The following KIF3C variants were observed in gnomAD, a reference collection of about 807,000 sequenced individuals.
KIF3C encodes kinesin family member 3C, also known as kinesin-like protein KIF3C.
In KIF3C, 12 loss-of-function variants were observed where a neutral mutation model predicts 67.7. That is an observed-to-expected ratio of 0.18 (90% confidence interval 0.11 to 0.29). The LOEUF (loss-of-function observed/expected upper bound fraction) is 0.29. KIF3C is among the 10% of genes least tolerant of loss of function. The probability of loss-of-function intolerance (pLI) is 1.00; values close to 1 mark genes in which losing one functional copy is unlikely to be tolerated. For missense variants in KIF3C, 789 were observed against 1,059.6 expected, an observed-to-expected ratio of 0.74 and a Z score of 3.55; for synonymous variants, 393 against 426.2, an observed-to-expected ratio of 0.92 and a Z score of 0.96.
Position 25,981,079 on chromosome 2 carries a change from C to G in KIF3C, c.839G>C (p.Gly280Ala), listed in dbSNP as rs139440184. The G allele has an allele frequency of 2.9e-4, 475 of 1,614,158 alleles. 1 individual carries two copies. In the African/African-American group the frequency reaches 5.2e-3, roughly 18 times the overall value. ...GGGGGGGGSG[G>A]GAGGERPKEA... is the part of the protein sequence containing the mutation. ...CTTAGGCCTCTCTCCACCAGCACCA[C>G]CACCACTGCCTCCACCGCCACCACC... The change falls in exon 1 of 8, where the codon GGT (glycine) becomes GCT (alanine). Residue 280 changes from glycine (G) to alanine (A), a missense_variant. Physicochemically the swap from Gly to Ala is moderately conservative, Grantham distance 60. Coordinates refer to ENST00000264712, the MANE Select transcript of KIF3C (RefSeq NM_002254.8). The surrounding 1 kb of genome is among the most constrained non-coding windows in gnomAD (Gnocchi z 8.2).
chr2:25,973,839 G>C (rs963178389), intron 1 of KIF3C, among the ~76,000 whole-genome samples: 7 of 152,128 alleles, frequency 4.6e-5, no homozygotes, highest in African/African-American at 1.7e-4. Context: ...GCTGGTGCAG[G>C]GTTTTCCTAT....
intron 1 of KIF3C, among the ~76,000 whole-genome samples, chr2:25,959,445 G>A (rs1056513729): frequency 6.6e-6 from 1 of 152,104 alleles, no homozygotes; most frequent in Non-Finnish European, 1.5e-5. Flanking sequence ...CTTGGGGGTT[G>A]TCCCAGAGTG....
chr2:25,958,894 G>A lies in KIF3C; in HGVS notation c.1546-2450C>T, dbSNP rs1663876678. Reference sequence around the variant, plus strand: ...GTTCGAGACCAGTCTGACCAACATGGAGAAACCCCATCTCTACTAAAAATA... The same window carrying A: ...GTTCGAGACCAGTCTGACCAACATGAAGAAACCCCATCTCTACTAAAAATA... On this transcript the variant is annotated intron_variant, in intron 1 of 7. Coordinates refer to ENST00000264712, the MANE Select transcript of KIF3C (RefSeq NM_002254.8). The surrounding 1 kb of genome is among the most constrained non-coding windows in gnomAD (Gnocchi z 4.5). Among the ~76,000 whole-genome samples, 1 of 152,092 alleles carries A rather than the reference G, an allele frequency of 6.6e-6. No homozygotes were observed. Among genetic ancestry groups the A allele is most frequent in the African/African-American group, 2.4e-5 (1 of 41,426 alleles).
In KIF3C at chr2:25,954,335, A is replaced by G. The variant is rs138750989; in HGVS notation, c.1821T>C (p.Asp607=). Residue 607 remains aspartate (D), a synonymous_variant, in exon 4 of 8, where the codon GAT becomes GAC. Transcript: ENST00000264712. The stretch of plus-strand genomic sequence containing the variant: ...GGTCCTGCCGCACGCGGATATACTC[A>G]TCATGCTGGTCCTGGATCTCCGCCT... The part of the protein sequence containing the change: ...AVKAEIQDQH[D]EYIRVRQDLE... 1 of 1,613,862 alleles carries G rather than the reference A, an allele frequency of 6.2e-7. No homozygotes were observed. The highest frequency in any genetic ancestry group is 1.3e-5 in the African/African-American group (1 of 75,008).
chr2:25,961,742 G>C (rs1185126829), intron 1 of KIF3C, among the ~76,000 whole-genome samples: 1 of 152,198 alleles, frequency 6.6e-6, no homozygotes, highest in Non-Finnish European at 1.5e-5. Context: ...ACTGTGTGTA[G>C]TTCTCTTACT....
rs767613284 is a variant in KIF3C, at chr2:25,955,497, T to A, written c.1770+44A>T. 1.9e-6 allele frequency: 3 copies of A among 1,608,820 alleles called. No individual in the cohort carries two copies. Among genetic ancestry groups the A allele is most frequent in the South Asian group, 2.2e-5 (2 of 90,564 alleles). ...CACACATCCCTTGGGCAGAGACTGC[T>A]GGGCCTCCAGCACACCTTAACCGGT... On this transcript the variant is annotated intron_variant, in intron 3 of 7. Coordinates refer to ENST00000264712, the MANE Select transcript of KIF3C (RefSeq NM_002254.8). This position sits in a 1 kb window ranked among gnomAD's most constrained non-coding sequence, Gnocchi z 5.0.
chr2:25,936,232 G>A (rs958063949), intron 5 of KIF3C, among the ~76,000 whole-genome samples: 6 of 152,050 alleles, frequency 3.9e-5, no homozygotes, highest in African/African-American at 1.4e-4. Flanking sequence ...GTAGAGATGG[G>A]GTCTCGCTAT....
Position 25,981,962 on chromosome 2 carries a change from G to A in KIF3C, c.-45C>T, listed in dbSNP as rs1664608367. The A allele has an allele frequency of 6.8e-7, 1 of 1,473,432 alleles. No homozygotes were observed. The highest frequency in any genetic ancestry group is 9.0e-7 in the Non-Finnish European group (1 of 1,106,920). 91.3% of individuals were successfully genotyped at this position (1,473,432 alleles called of 1,614,324 possible). A position where few individuals can be genotyped will look rare whatever the true frequency, so the allele number is the denominator to read the frequency against. ...TGCCCCCGAGCCCCTCCGCAGCCTG[G>A]GCGGTCCTGCTATCCTGCTCGCTAG... On this transcript the variant is annotated 5_prime_UTR_variant, in exon 1 of 8. Coordinates refer to ENST00000264712, the MANE Select transcript of KIF3C (RefSeq NM_002254.8). The surrounding 1 kb of genome is among the most constrained non-coding windows in gnomAD (Gnocchi z 8.2).
At chr2:25,962,341 G>A (rs1265396868) in intron 1 of KIF3C, among the ~76,000 whole-genome samples, 6 of 151,904 alleles carry the variant, frequency 3.9e-5, no homozygotes, top group African/African-American at 1.5e-4. Context: ...TCCCTACCAT[G>A]GCTACTTGGT....
At position 25,927,779 on chromosome 2, in the gene KIF3C, A is replaced by T. The variant is rs2090424291; in HGVS notation, c.*1199T>A. On this transcript the variant is annotated 3_prime_UTR_variant, in exon 8 of 8. Coordinates refer to ENST00000264712, the MANE Select transcript of KIF3C (RefSeq NM_002254.8). ...AAAAGCCAGTCAATGAACATTAACC[A>T]TTTTTTTTTGTAGAAATTTACTTAT... 1 of 151,636 alleles carries T rather than the reference A, an allele frequency of 6.6e-6. No individual in the cohort carries two copies. The highest frequency in any genetic ancestry group is 2.4e-5 in the African/African-American group (1 of 41,174). The allele number at this position is 151,636 out of a possible 1,614,324, so 9.4% of individuals were successfully genotyped here. A position where few individuals can be genotyped will look rare whatever the true frequency, so the allele number is the denominator to read the frequency against.
chr2:25,946,806 A>T (rs2149228846), intron 5 of KIF3C, among the ~76,000 whole-genome samples: 2 of 152,132 alleles, frequency 1.3e-5, no homozygotes, highest in Middle Eastern at 6.8e-3. Flanking sequence ...GTGAGCCGAG[A>T]TCGCGCCACT....
At chr2:25,943,566 G>A (rs1005798553) in intron 5 of KIF3C, among the ~76,000 whole-genome samples, 3 of 152,038 alleles carry the variant, frequency 2.0e-5, no homozygotes, top group African/African-American at 7.2e-5. Flanking sequence ...AGAACTGGCC[G>A]GGCACGGTGG....
At chr2:25,939,402 C>T (rs1368368789) in intron 5 of KIF3C, among the ~76,000 whole-genome samples, 2 of 152,140 alleles carry the variant, frequency 1.3e-5, no homozygotes, top group South Asian at 2.1e-4. Flanking sequence ...GCCATCTGTC[C>T]ACCTTGTTCC....
At chr2:25,966,998 G>A (rs766691342) in intron 1 of KIF3C, among the ~76,000 whole-genome samples, 1 of 152,158 alleles carries the variant, frequency 6.6e-6, no homozygotes, top group Admixed American at 6.5e-5. Context: ...GACCACCACC[G>A]CCCTAACTCC....
intron 5 of KIF3C, among the ~76,000 whole-genome samples, chr2:25,944,631 A>C (rs1345947499): frequency 6.6e-6 from 1 of 151,666 alleles, no homozygotes; most frequent in Non-Finnish European, 1.5e-5. Context: ...GATTACAGGC[A>C]TGAGCCACTG....
intron 5 of KIF3C, among the ~76,000 whole-genome samples, chr2:25,935,394 T>C (rs1359849357): frequency 6.6e-6 from 1 of 151,264 alleles, no homozygotes; most frequent in Non-Finnish European, 1.5e-5. Context: ...ATAGACAGAG[T>C]CTTGCTCTGT....
Position 25,958,408 on chromosome 2 carries a change from C to G in KIF3C, c.1546-1964G>C, listed in dbSNP as rs191746169. Among the ~76,000 whole-genome samples the G allele has an allele frequency of 9.9e-5, 15 of 152,168 alleles. No individual in the cohort carries two copies. Among genetic ancestry groups the G allele is most frequent in the Admixed American group, 7.2e-4 (11 of 15,274 alleles). On this transcript the variant is annotated intron_variant, in intron 1 of 7. Transcript: ENST00000264712. This position sits in a 1 kb window ranked among gnomAD's most constrained non-coding sequence, Gnocchi z 4.5. ...CCAGCCTGGCCAAAATGGAGAAACCCCAGCTCTACTAAAAAGACAAAAATT... is the reference window on the plus strand; with the variant it reads ...CCAGCCTGGCCAAAATGGAGAAACCGCAGCTCTACTAAAAAGACAAAAATT...
chr2:25,951,875 C>T lies in KIF3C; in HGVS notation c.1920G>A (p.Pro640=), dbSNP rs71441005. The part of the protein sequence containing the change: ...KYLIIENFIP[P]EEKNKIMNRL... ...GGTTCATGATCTTGTTCTTCTCCTCCGGCGGGATGAAGTTCTCGATGATTA... is the reference window on the plus strand; with the variant it reads ...GGTTCATGATCTTGTTCTTCTCCTCTGGCGGGATGAAGTTCTCGATGATTA... The change falls in exon 5 of 8, where the codon CCG becomes CCA. Residue 640 remains proline (P), a synonymous_variant. Coordinates refer to ENST00000264712, the MANE Select transcript of KIF3C (RefSeq NM_002254.8). The T allele has an allele frequency of 0.013, 21,119 of 1,613,764 alleles. 374 individuals are homozygous for T. Among genetic ancestry groups the T allele is most frequent in the African/African-American group, 0.078 (5,818 of 74,980 alleles).
intron 1 of KIF3C, among the ~76,000 whole-genome samples, chr2:25,979,036 C>T (rs1225919455): frequency 6.6e-6 from 1 of 152,212 alleles, no homozygotes; most frequent in East Asian, 1.9e-4. Context: ...TACAGCTCAT[C>T]TGTCACTCTC....
Sources: gnomAD v4.1 joint callset for allele counts (sites outside exome capture counted in the v4.1 genomes callset) on GRCh38, gnomAD v4.1.1 for gene constraint, Gnocchi (gnomAD v3.1) non-coding constraint, MANE v1.5 for transcripts, NCBI Gene and HGNC (gene_info 2026-07-23, HGNC 2026-07-21) for gene names.